Variants in NAT2 observed in about 807,000 individuals in gnomAD.
NAT2 encodes the protein N-acetyltransferase 2, also known as arylamine N-acetyltransferase 2.
For missense variants in NAT2, 428 were observed against 339.1 expected (o/e 1.26, Z -2.06); for synonymous variants, 137 against 125.9 (o/e 1.09, Z -0.59).
At chr8:18,397,203 A>G (rs1476680202) in intron 1 of NAT2, among the ~76,000 whole-genome samples, 3 of 152,284 alleles carry the variant, frequency 2.0e-5, no homozygotes, top group Admixed American at 2.0e-4. Context: ...AAAGTCTGTC[A>G]AAGACATGTT....
chr8:18,396,921 A>T (rs1176446265), intron 1 of NAT2, among the ~76,000 whole-genome samples: 1 of 152,196 alleles, frequency 6.6e-6, no homozygotes, highest in Non-Finnish European at 1.5e-5. Context: ...ACAATGAATA[A>T]ATTGAACAAA....
At chr8:18,399,701 C>T (rs1165965500) in intron 1 of NAT2, among the ~76,000 whole-genome samples, 1 of 152,130 alleles carries the variant, frequency 6.6e-6, no homozygotes, top group Non-Finnish European at 1.5e-5. Context: ...ACCAAGAACA[C>T]CACAAACAAG....
chr8:18,391,144 G>C (rs1563247086), upstream of NAT2: 2 of 152,074 alleles, frequency 1.3e-5, no homozygotes. Context: ...ATTTGCGTAA[G>C]AGATTCACAG....
intron 1 of NAT2, among the ~76,000 whole-genome samples, chr8:18,394,998 A>C (rs1250693318): frequency 6.6e-6 from 1 of 152,240 alleles, no homozygotes; most frequent in Non-Finnish European, 1.5e-5. Flanking sequence ...ATGTCTAAAA[A>C]GAAAAAAATT....
At chr8:18,388,264 C>T (rs527915596), upstream of NAT2, among the ~76,000 whole-genome samples, 125 of 152,268 alleles carry the variant, frequency 8.2e-4, no homozygotes, top group South Asian at 1.7e-3. Context: ...CATCTGTGGT[C>T]CTCTGAACCT....
chr8:18,399,905 C>A, intron 1 of NAT2, 93 bp from the exon 2 acceptor site: 1 of 1,337,538 alleles, frequency 7.5e-7, no homozygotes, highest in Non-Finnish European at 1.0e-6. Context: ...TGTGTTTTTA[C>A]GTATTTAAAA....
intron 1 of NAT2, among the ~76,000 whole-genome samples, chr8:18,396,620 C>A (rs1585137275): frequency 6.6e-6 from 1 of 151,980 alleles, no homozygotes; most frequent in Admixed American, 6.6e-5. Flanking sequence ...GGTCTCGAAC[C>A]CCTGACCTCG....
chr8:18,393,426 G>A (rs185870259), intron 1 of NAT2, among the ~76,000 whole-genome samples: 2 of 152,018 alleles, frequency 1.3e-5, no homozygotes, highest in Non-Finnish European at 2.9e-5. Flanking sequence ...ACGTAATGTA[G>A]GCAATCAGAT....
Position 18,400,742 on chromosome 8 carries a change from A to G in NAT2, c.739A>G (p.Lys247Glu), listed in dbSNP as rs1271976533. The G allele has an allele frequency of 1.2e-6, 2 of 1,613,772 alleles. No individual in the cohort carries two copies. The highest frequency in any genetic ancestry group is 2.2e-5 in the East Asian group (1 of 44,850). ...FILTYRKFNY[K>E]DNTDLVEFKT... ...CCTCACCTATAGAAAATTCAATTAT[A>G]AAGACAATACAGATCTGGTCGAGTT... The change falls in exon 2 of 2, where the codon AAA becomes GAA. Residue 247 changes from lysine to glutamate, a missense_variant. Physicochemically the swap from Lys to Glu is moderately conservative, Grantham distance 56. Coordinates refer to ENST00000286479, the MANE Select transcript of NAT2 (RefSeq NM_000015.3).
chr8:18,389,223 G>A (rs1800555112), upstream of NAT2, among the ~76,000 whole-genome samples: 1 of 152,150 alleles, frequency 6.6e-6, no homozygotes, highest in Admixed American at 6.5e-5. Flanking sequence ...GGAGAAAAAT[G>A]ACCATAATCC....
Position 18,400,593 on chromosome 8 carries a change from G to T in NAT2, c.590G>T (p.Arg197Leu). ...ATATACTTATTTACGCTTGAACCTC[G>T]AACAATTGAAGATTTTGAGTCTATG... ...QKIYLFTLEP[R>L]TIEDFESMNT... Residue 197 changes from arginine to leucine, a missense_variant, in exon 2 of 2, where the codon CGA becomes CTA. Transcript: ENST00000286479. The T allele has an allele frequency of 6.2e-7, 1 of 1,612,790 alleles. No homozygotes were observed. Among genetic ancestry groups the T allele is most frequent in the Non-Finnish European group, 8.5e-7 (1 of 1,179,740 alleles).
At chr8:18,386,681 G>A (rs1214664358), upstream of NAT2, among the ~76,000 whole-genome samples, 1 of 152,102 alleles carries the variant, frequency 6.6e-6, no homozygotes, top group Non-Finnish European at 1.5e-5. Context: ...ACGGGCAGGG[G>A]AAGAAGGGCC....
At chr8:18,386,456 A>T (rs1044976036), upstream of NAT2, among the ~76,000 whole-genome samples, 3 of 152,140 alleles carry the variant, frequency 2.0e-5, no homozygotes, top group African/African-American at 7.2e-5. Flanking sequence ...TAAGGCAGAT[A>T]AAAGAATGAG....
chr8:18,400,944 C>A lies in NAT2; in HGVS notation c.*68C>A. ...CACTAATTATCAACTTATGTGCTAT[C>A]AGATATCCTCTCTACCCTCACGTTA... On this transcript the variant is annotated 3_prime_UTR_variant, in exon 2 of 2. Coordinates refer to ENST00000286479, the MANE Select transcript of NAT2 (RefSeq NM_000015.3). 2.5e-6 allele frequency: 3 copies of A among 1,198,896 alleles called. No homozygotes were observed. The highest frequency in any genetic ancestry group is 3.5e-6 in the Non-Finnish European group (3 of 861,792). 74.3% of individuals were successfully genotyped at this position (1,198,896 alleles called of 1,614,324 possible).
rs1800763854 is a variant in NAT2 at position 18,400,187 on chromosome 8, A to C, written c.184A>C (p.Arg62=). 6.2e-7 allele frequency: 1 copy of C among 1,613,448 alleles called. No individual in the cohort carries two copies. Among genetic ancestry groups the C allele is most frequent in the African/African-American group, 1.3e-5 (1 of 74,886 alleles). The change falls in exon 2 of 2, where the codon AGA becomes CGA. Residue 62 remains arginine (R), a synonymous_variant. Transcript: ENST00000286479. ...GGCTATTTTTGATCACATTGTAAGA[A>C]GAAACCGGGGTGGGTGGTGTCTCCA... is the stretch of plus-strand genomic sequence containing the variant. ...LEAIFDHIVR[R]NRGGWCLQVN...
rs1172380462 is a variant in NAT2 at position 18,400,266 on chromosome 8, T to C, written c.263T>C (p.Met88Thr). 1.2e-6 allele frequency: 2 copies of C among 1,613,386 alleles called. No homozygotes were observed. Among genetic ancestry groups the C allele is most frequent in the Non-Finnish European group, 1.7e-6 (2 of 1,179,610 alleles). Residue 88 changes from methionine to threonine, a missense_variant, in exon 2 of 2, where the codon ATG becomes ACG. Coordinates refer to ENST00000286479, the MANE Select transcript of NAT2 (RefSeq NM_000015.3). ...ALTTIGFQTTMLGGYFYIPPV... is the reference protein window; with the variant it reads ...ALTTIGFQTTTLGGYFYIPPV... ...ACCACAATCGGTTTTCAGACCACAA[T>C]GTTAGGAGGGTATTTTTACATCCCT...
At chr8:18,395,203 G>A (rs981261552) in intron 1 of NAT2, among the ~76,000 whole-genome samples, 9 of 152,116 alleles carry the variant, frequency 5.9e-5, no homozygotes, top group African/African-American at 2.2e-4. Flanking sequence ...AATCTCCAAA[G>A]TTATCATAAA....
intron 1 of NAT2, among the ~76,000 whole-genome samples, chr8:18,394,636 C>A (rs1333848051): frequency 2.0e-5 from 3 of 151,724 alleles, no homozygotes; most frequent in Admixed American, 6.6e-5. Flanking sequence ...CAGAATGTGA[C>A]CTTCTTTTAC....
chr8:18,396,160 A>C (rs928167618), intron 1 of NAT2, among the ~76,000 whole-genome samples: 2 of 152,072 alleles, frequency 1.3e-5, no homozygotes, highest in Non-Finnish European at 2.9e-5. Flanking sequence ...TAAATCTTTT[A>C]CAACATTTTA....
Sources: allele counts gnomAD v4.1 joint callset (sites outside exome capture counted in the v4.1 genomes callset), GRCh38; gene constraint gnomAD v4.1.1; transcripts MANE v1.5; gene names NCBI Gene and HGNC (gene_info 2026-07-23, HGNC 2026-07-21).